Variants in SATL1 observed in about 807,000 individuals in gnomAD.
SATL1 encodes spermidine/spermine N1-acetyl transferase like 1.
Under a neutral mutation model 51.8 loss-of-function variants are expected in SATL1, and 47 were observed. That is an observed-to-expected ratio of 0.91 (90% CI 0.72 to 1.16). SATL1 has a LOEUF of 1.16. Ranked by LOEUF, SATL1 falls within the 50% of genes most tolerant of loss-of-function variation. The pLI is 0.00. For synonymous variants in SATL1, 176 were observed against 182.4 expected, an observed-to-expected ratio of 0.97 and a Z score of 0.28; for missense variants, 520 against 526.4, an observed-to-expected ratio of 0.99 and a Z score of 0.12.
chrX:85,189,534 C>A (rs867948458), intron 2 of SATL1, among the ~76,000 whole-genome samples: 1 of 112,059 alleles, frequency 8.9e-6, no homozygotes, highest in African/African-American at 3.2e-5. Flanking sequence ...CTAACAGCTA[C>A]GTGGCATCCC....
intron 2 of SATL1, among the ~76,000 whole-genome samples, chrX:85,217,143 C>T (rs1928062582): frequency 9.1e-6 from 1 of 109,954 alleles, no homozygotes; most frequent in Admixed American, 9.7e-5. Context: ...GGGAAACATA[C>T]ATTAAACAGG....
intron 2 of SATL1, among the ~76,000 whole-genome samples, chrX:85,156,841 AT>A (rs1926603765): frequency 4.7e-4 from 13 of 27,705 alleles, no homozygotes; most frequent in African/African-American, 6.3e-4. Context: ...ATATATATAT[AT>A]ATATATATAT....
rs771151391 is a variant in SATL1, at chrX:85,128,540, G to A, written c.-312-19260C>T. On this transcript the variant is annotated intron_variant, in intron 2 of 7. Coordinates refer to ENST00000644105, the MANE Select transcript of SATL1 (RefSeq NM_001367857.2). ...TTGTTTAAGTTCTTTGTAGATTCTG[G>A]ATATTAGCCCTTTGTCAGATGAGTA... is the stretch of plus-strand genomic sequence containing the variant. 6.2e-5 allele frequency among the ~76,000 whole-genome samples: 7 copies of A among 112,141 alleles called. No homozygotes were observed. The South Asian group carries it at 2.6e-3, about 41-fold the overall frequency.
chrX:85,119,285 G>A (rs1318376177), intron 2 of SATL1, among the ~76,000 whole-genome samples: 1 of 111,250 alleles, frequency 9.0e-6, no homozygotes, highest in Non-Finnish European at 1.9e-5. Context: ...ATGCACTACC[G>A]CAAATACAAG....
intron 2 of SATL1, among the ~76,000 whole-genome samples, chrX:85,222,582 G>A (rs950967305): frequency 9.0e-6 from 1 of 111,528 alleles, no homozygotes; most frequent in African/African-American, 3.3e-5. Flanking sequence ...CTACTCTGAT[G>A]TATGCCACCT....
rs191133574 is a variant in SATL1 at position 85,205,970 on chromosome X, G to A, written c.-313+18235C>T. Among the ~76,000 whole-genome samples, 5 of 111,541 alleles carry A rather than the reference G, an allele frequency of 4.5e-5. No homozygotes were observed. The East Asian group carries it at 1.1e-3, about 25-fold the overall frequency. On this transcript the variant is annotated intron_variant, in intron 2 of 7. Transcript: ENST00000644105. The stretch of plus-strand genomic sequence containing the variant: ...CAAAACTTGCTGACTGGCTGAACAC[G>A]GGGCATGAAGGAAAGACAGAAATCA...
chrX:85,135,920 C>A (rs1376053997), intron 2 of SATL1, among the ~76,000 whole-genome samples: 1 of 109,411 alleles, frequency 9.1e-6, no homozygotes, highest in African/African-American at 3.4e-5. Flanking sequence ...GAGCCAAAAC[C>A]GGTTAGGAGT....
At chrX:85,095,633 C>T (rs1011315076) in intron 4 of SATL1, among the ~76,000 whole-genome samples, 67 of 106,184 alleles carry the variant, frequency 6.3e-4, no homozygotes, top group African/African-American at 2.2e-3. Flanking sequence ...GAGACCATCC[C>T]GGCTAAAACG....
At chrX:85,114,138 TG>T (rs1925328118) in intron 2 of SATL1, among the ~76,000 whole-genome samples, 1 of 112,318 alleles carries the variant, frequency 8.9e-6, no homozygotes, top group African/African-American at 3.2e-5. Flanking sequence ...TAAAAATAAC[TG>T]TATTGTTATA....
chrX:85,223,371 A>AT (rs1297407375), intron 2 of SATL1, among the ~76,000 whole-genome samples: 2 of 111,111 alleles, frequency 1.8e-5, no homozygotes, highest in African/African-American at 3.3e-5. Flanking sequence ...GTATGGCAGA[A>AT]TTTTTTTTCT....
At chrX:85,095,765 G>A (rs981641953) in intron 4 of SATL1, among the ~76,000 whole-genome samples, 1 of 90,052 alleles carries the variant, frequency 1.1e-5, no homozygotes, top group Admixed American at 1.4e-4. Context: ...GGCGGAGCTT[G>A]CAGTGAGCCG....
At chrX:85,144,247 T>C (rs1024474981) in intron 2 of SATL1, among the ~76,000 whole-genome samples, 8 of 112,079 alleles carry the variant, frequency 7.1e-5, no homozygotes, top group Non-Finnish European at 3.8e-5. Flanking sequence ...TGTTTTTACC[T>C]AAAAACTGTG....
intron 1 of SATL1, among the ~76,000 whole-genome samples, chrX:85,226,650 T>C (rs1846922657): frequency 1.8e-5 from 2 of 111,177 alleles, no homozygotes; most frequent in Non-Finnish European, 3.8e-5. Flanking sequence ...ACTGTCATAA[T>C]ACTTGGTGAT....
chrX:85,136,472 G>T (rs1411628026), intron 2 of SATL1, among the ~76,000 whole-genome samples: 2 of 111,896 alleles, frequency 1.8e-5, no homozygotes, highest in African/African-American at 3.3e-5. Flanking sequence ...TGTCTATAGA[G>T]GTATGGGGAA....
intron 2 of SATL1, among the ~76,000 whole-genome samples, chrX:85,139,219 T>A (rs963962126): frequency 9.0e-6 from 1 of 111,397 alleles, no homozygotes; most frequent in Non-Finnish European, 1.9e-5. Context: ...GAGCCTAGAA[T>A]CTATAATAAC....
At chrX:85,104,838 GA>G (rs1025225988) in intron 3 of SATL1, among the ~76,000 whole-genome samples, 8 of 111,374 alleles carry the variant, frequency 7.2e-5, no homozygotes, top group African/African-American at 1.6e-4. Context: ...ATAATGACAA[GA>G]AAAAAGTCTG....
At chrX:85,138,566 C>A (rs933650837) in intron 2 of SATL1, among the ~76,000 whole-genome samples, 1 of 111,785 alleles carries the variant, frequency 8.9e-6, no homozygotes, top group Non-Finnish European at 1.9e-5. Flanking sequence ...TTGTCAATCA[C>A]CATTTAGGTG....
intron 4 of SATL1, among the ~76,000 whole-genome samples, chrX:85,102,208 T>C (rs1224809522): frequency 9.1e-6 from 1 of 109,382 alleles, no homozygotes; most frequent in Admixed American, 9.9e-5. Flanking sequence ...GCATTAGGCA[T>C]ATCTCCTAAT....
At chrX:85,095,783 G>A (rs905571552) in intron 4 of SATL1, among the ~76,000 whole-genome samples, 2 of 80,184 alleles carry the variant, frequency 2.5e-5, no homozygotes, top group African/African-American at 5.0e-5. Context: ...CCGAGATCCC[G>A]CCACTGCACT....
Sources: allele counts gnomAD v4.1 joint callset (sites outside exome capture counted in the v4.1 genomes callset), GRCh38; gene constraint gnomAD v4.1.1; transcripts MANE v1.5; gene names NCBI Gene and HGNC (gene_info 2026-07-23, HGNC 2026-07-21).